The following FBXW7 variants were observed in gnomAD, a reference collection of about 807,000 sequenced individuals.
The protein encoded by FBXW7 is F-box/WD repeat-containing protein 7.
In FBXW7, 11 loss-of-function variants were observed where a neutral mutation model predicts 86.3. The observed-to-expected ratio is 0.13, with a 90% CI of 0.08 to 0.21. The LOEUF (loss-of-function observed/expected upper bound fraction) is 0.21, where lower values mean the gene tolerates loss of function less well. Ranked by LOEUF, FBXW7 falls within the 10% of genes least tolerant of loss-of-function variation. The pLI is 1.00. For synonymous variants in FBXW7, 313 were observed against 297.9 expected (o/e 1.05, Z -0.52); for missense variants, 488 against 847.4 (o/e 0.58, Z 5.27).
intron 2 of FBXW7, chr4:152,530,247 G>A (rs1442854722): frequency 1.3e-5 from 2 of 152,050 alleles, no homozygotes; most frequent in Non-Finnish European, 2.9e-5. Flanking sequence ...ATTGCGATGT[G>A]TAATTCTACA....
intron 2 of FBXW7, among the ~76,000 whole-genome samples, chr4:152,534,576 CA>C (rs1040228712): frequency 3.9e-5 from 6 of 152,078 alleles, no homozygotes; most frequent in Admixed American, 6.5e-5. Context: ...ACCCCCGAAA[CA>C]AAAAGTACAC....
At chr4:152,350,435 C>T (rs1731696353) in intron 4 of FBXW7, among the ~76,000 whole-genome samples, 1 of 151,288 alleles carries the variant, frequency 6.6e-6, no homozygotes, top group South Asian at 2.1e-4. Context: ...ATTTAATAAC[C>T]AACATAGGGA....
At chr4:152,422,715 C>T (rs933965641) in intron 2 of FBXW7, among the ~76,000 whole-genome samples, 38 of 152,248 alleles carry the variant, frequency 2.5e-4, no homozygotes, top group African/African-American at 8.4e-4. Context: ...AATTTGCCAG[C>T]GAGCCCAGAA....
chr4:152,435,056 C>G (rs200879984), intron 2 of FBXW7, among the ~76,000 whole-genome samples: 25 of 76,418 alleles, frequency 3.3e-4, no homozygotes, highest in Non-Finnish European at 4.5e-4. Flanking sequence ...AAACTACTAA[C>G]GAGAGGCCTG....
At chr4:152,456,529 C>G (rs56082260) in intron 2 of FBXW7, among the ~76,000 whole-genome samples, 1 of 152,048 alleles carries the variant, frequency 6.6e-6, no homozygotes, top group Non-Finnish European at 1.5e-5. Flanking sequence ...GAGCAAGACT[C>G]TTACTCAAAA....
intron 2 of FBXW7, among the ~76,000 whole-genome samples, chr4:152,446,101 T>C (rs1476658276): frequency 6.6e-6 from 1 of 152,028 alleles, no homozygotes; most frequent in East Asian, 1.9e-4. Flanking sequence ...TCTTAAAACG[T>C]GTTTACTAAA....
intron 2 of FBXW7, among the ~76,000 whole-genome samples, chr4:152,498,018 T>C (rs946502467): frequency 6.6e-6 from 1 of 152,160 alleles, no homozygotes; most frequent in Non-Finnish European, 1.5e-5. Context: ...GTAAGGACTT[T>C]AGGATAATGA....
At chr4:152,325,827 T>A in intron 12 of FBXW7, 179 bp downstream of exon 12, 2 of 537,672 alleles carry the variant, frequency 3.7e-6, no homozygotes, top group Non-Finnish European at 6.6e-6. Context: ...TGAAAGCATT[T>A]AAATAATTTT....
intron 2 of FBXW7, among the ~76,000 whole-genome samples, chr4:152,472,844 T>C (rs1324996141): frequency 3.9e-5 from 6 of 152,314 alleles, no homozygotes; most frequent in Non-Finnish European, 4.4e-5. Flanking sequence ...CACACTAATT[T>C]ACTAATTAAA....
chr4:152,421,519 G>A (rs574166428), intron 2 of FBXW7, among the ~76,000 whole-genome samples: 38 of 152,198 alleles, frequency 2.5e-4, no homozygotes, highest in African/African-American at 7.5e-4. Context: ...TCAACATAGC[G>A]AGACCCTGTC....
chr4:152,383,950 T>C (rs555629203), intron 4 of FBXW7, among the ~76,000 whole-genome samples: 60 of 152,066 alleles, frequency 3.9e-4, no homozygotes, highest in Non-Finnish European at 7.6e-4. Flanking sequence ...ATTAGGGAAA[T>C]GCAAATCAAA....
At chr4:152,470,039 G>A (rs1743808686) in intron 2 of FBXW7, among the ~76,000 whole-genome samples, 1 of 151,962 alleles carries the variant, frequency 6.6e-6, no homozygotes, top group Non-Finnish European at 1.5e-5. Flanking sequence ...TTCAACTTCA[G>A]AGTTACACCT....
intron 4 of FBXW7, among the ~76,000 whole-genome samples, chr4:152,407,341 T>A (rs1049559199): frequency 3.3e-5 from 5 of 152,202 alleles, no homozygotes; most frequent in African/African-American, 1.2e-4. Context: ...CATTGGGCCA[T>A]GTTTACTAGT....
intron 2 of FBXW7, among the ~76,000 whole-genome samples, chr4:152,454,316 T>C (rs1185256901): frequency 7.2e-6 from 1 of 139,680 alleles, no homozygotes; most frequent in Non-Finnish European, 1.5e-5. Flanking sequence ...AGGTGTCTCA[T>C]ATTCTGAAAT....
chr4:152,328,334 T>A lies in FBXW7; in HGVS notation c.1292A>T (p.Asp431Val), dbSNP rs1161192142. 3.8e-6 allele frequency: 6 copies of A among 1,591,708 alleles called. No homozygotes were observed. The highest frequency in any genetic ancestry group is 1.4e-5 in the African/African-American group (1 of 73,268). The change falls in exon 11 of 14, where the codon GAC becomes GTC. Residue 431 changes from aspartate to valine, a missense_variant. Transcript: ENST00000281708. ...TGGVWSSQMR[D>V]NIIISGSTDR... is the part of the protein sequence containing the mutation. ...TGTAGATCCACTAATGATGATGTTGTCTCTCATTTGTGATGACCATACTCC... is the reference window on the plus strand; with the variant it reads ...TGTAGATCCACTAATGATGATGTTGACTCTCATTTGTGATGACCATACTCC...
rs896493094 is a variant in FBXW7, at chr4:152,427,629, T to C, written c.-119-15100A>G. Among the ~76,000 whole-genome samples, 10 of 152,202 alleles carry C rather than the reference T, an allele frequency of 6.6e-5. No homozygotes were observed. The South Asian group carries it at 8.3e-4, about 13-fold the overall frequency. Reference sequence around the variant, plus strand: ...AGATGAAGAGTCTTTGTATGCTTCATAATTCTGAAACCTAGAAGAGCAGTT... The same window carrying C: ...AGATGAAGAGTCTTTGTATGCTTCACAATTCTGAAACCTAGAAGAGCAGTT... On this transcript the variant is annotated intron_variant, in intron 2 of 13. Transcript: ENST00000281708.
intron 2 of FBXW7, among the ~76,000 whole-genome samples, chr4:152,455,255 G>C (rs1164285384): frequency 6.6e-6 from 1 of 152,112 alleles, no homozygotes; most frequent in East Asian, 1.9e-4. Context: ...GCTATACCCA[G>C]GCAACACAGG....
At chr4:152,498,010 A>G (rs1175866533) in intron 2 of FBXW7, among the ~76,000 whole-genome samples, 15 of 152,214 alleles carry the variant, frequency 9.9e-5, no homozygotes, top group Admixed American at 9.8e-4. Flanking sequence ...AAATAATCGT[A>G]AGGACTTTAG....
intron 3 of FBXW7, 98 bp from the exon 4 acceptor site, chr4:152,411,970 G>C: frequency 8.7e-7 from 1 of 1,147,690 alleles, no homozygotes; most frequent in Non-Finnish European, 1.2e-6. Flanking sequence ...ATTAATGATT[G>C]CAAAAAAGTA....
Sources: gnomAD v4.1 joint callset for allele counts (sites outside exome capture counted in the v4.1 genomes callset) on GRCh38, gnomAD v4.1.1 for gene constraint, MANE v1.5 for transcripts, NCBI Gene and HGNC (gene_info 2026-07-23, HGNC 2026-07-21) for gene names.